Variants in SLC1A1 observed in about 807,000 individuals in gnomAD.
SLC1A1 encodes solute carrier family 1 member 1, also known as excitatory amino acid transporter 3.
In SLC1A1, 43 loss-of-function variants were observed where a neutral mutation model predicts 53.3. That is an observed-to-expected ratio of 0.81 (90% CI 0.63 to 1.04). The LOEUF (loss-of-function observed/expected upper bound fraction) is 1.04. SLC1A1 is among the 50% of genes least tolerant of loss of function. SLC1A1 has a pLI of 0.00. For synonymous variants in SLC1A1, 307 were observed against 243.2 expected (o/e 1.26, Z -2.44); for missense variants, 748 against 664.9 (o/e 1.12, Z -1.37).
chr9:4,585,264 G>A (rs371985607), intron 11 of SLC1A1, 48 bp from the exon 12 acceptor site: 13 of 1,611,634 alleles, frequency 8.1e-6, no homozygotes, highest in South Asian at 2.2e-5. Context: ...AGTGATGAAG[G>A]AAAATGAAAT....
At chr9:4,518,319 C>T (rs1336206759) in intron 1 of SLC1A1, among the ~76,000 whole-genome samples, 4 of 148,332 alleles carry the variant, frequency 2.7e-5, no homozygotes, top group Non-Finnish European at 5.9e-5. Flanking sequence ...GTGTTACTTC[C>T]TTGAGTGGTG....
chr9:4,560,551 C>T (rs983784777), intron 2 of SLC1A1, among the ~76,000 whole-genome samples: 2 of 152,094 alleles, frequency 1.3e-5, no homozygotes, highest in Non-Finnish European at 2.9e-5. Flanking sequence ...TCATCTTTAC[C>T]TTTTCTCCTT....
intron 1 of SLC1A1, among the ~76,000 whole-genome samples, chr9:4,530,684 T>C (rs531364383): frequency 2.0e-5 from 3 of 152,356 alleles, no homozygotes; most frequent in Admixed American, 1.3e-4. Flanking sequence ...GAGTCACCCA[T>C]GACGGAAAAC....
At chr9:4,576,788 G>T in intron 10 of SLC1A1, 25 bp downstream of exon 10, 1 of 1,597,190 alleles carries the variant, frequency 6.3e-7, no homozygotes, top group Non-Finnish European at 8.6e-7. Flanking sequence ...CACATTCATT[G>T]TCATCACTGA....
At chr9:4,531,516 C>T (rs1233082945) in intron 1 of SLC1A1, among the ~76,000 whole-genome samples, 1 of 152,168 alleles carries the variant, frequency 6.6e-6, no homozygotes, top group Non-Finnish European at 1.5e-5. Context: ...GGGAGGGGCG[C>T]CCATCACTGT....
At chr9:4,501,162 G>T (rs987553276) in intron 1 of SLC1A1, among the ~76,000 whole-genome samples, 3 of 151,982 alleles carry the variant, frequency 2.0e-5, no homozygotes, top group Non-Finnish European at 4.4e-5. Context: ...CTTGATAGTA[G>T]AAAGTGTTTT....
chr9:4,540,050 C>G (rs1305169505), intron 1 of SLC1A1, among the ~76,000 whole-genome samples: 1 of 152,082 alleles, frequency 6.6e-6, no homozygotes, highest in Admixed American at 6.5e-5. Context: ...TTTCCAAAAC[C>G]ACCCATGGCC....
intron 1 of SLC1A1, among the ~76,000 whole-genome samples, chr9:4,536,549 G>C (rs1291737817): frequency 6.6e-6 from 1 of 152,182 alleles, no homozygotes; most frequent in African/African-American, 2.4e-5. Flanking sequence ...AACAACAGGT[G>C]CTGGAGAGGA....
At chr9:4,518,742 C>G (rs895963233) in intron 1 of SLC1A1, among the ~76,000 whole-genome samples, 1 of 152,202 alleles carries the variant, frequency 6.6e-6, no homozygotes, top group Non-Finnish European at 1.5e-5. Context: ...GCTGCCTCTA[C>G]CACCTTTCAG....
chr9:4,496,296 G>T (rs559962229), intron 1 of SLC1A1, among the ~76,000 whole-genome samples: 1 of 152,174 alleles, frequency 6.6e-6, no homozygotes, highest in African/African-American at 2.4e-5. Flanking sequence ...CAAAGGACAG[G>T]GATGTGACCT....
At chr9:4,554,421 A>G (rs1586772239) in intron 2 of SLC1A1, 1 of 152,238 alleles carries the variant, frequency 6.6e-6, no homozygotes, top group South Asian at 2.1e-4. Flanking sequence ...TAATGAACCA[A>G]TGATAAAAAT....
chr9:4,495,562 C>G (rs1228450648), intron 1 of SLC1A1, among the ~76,000 whole-genome samples: 1 of 152,000 alleles, frequency 6.6e-6, no homozygotes, highest in Non-Finnish European at 1.5e-5. Context: ...GAGAAGGTGA[C>G]AGTTGAATCA....
chr9:4,505,788 C>T (rs1820788084), intron 1 of SLC1A1, among the ~76,000 whole-genome samples: 1 of 152,180 alleles, frequency 6.6e-6, no homozygotes, highest in Non-Finnish European at 1.5e-5. Flanking sequence ...TCCCGAGTAG[C>T]TGGGATTATA....
intron 3 of SLC1A1, among the ~76,000 whole-genome samples, chr9:4,564,096 C>A (rs78879685): frequency 1.8e-5 from 1 of 56,374 alleles, no homozygotes. Context: ...AACACACATA[C>A]ACACACACAC....
intron 6 of SLC1A1, among the ~76,000 whole-genome samples, chr9:4,571,753 C>A (rs1258453173): frequency 6.6e-6 from 1 of 152,128 alleles, no homozygotes; most frequent in Non-Finnish European, 1.5e-5. Context: ...TGTTACTGTG[C>A]TTCATTATCA....
chr9:4,535,118 A>C (rs1351235855), intron 1 of SLC1A1, among the ~76,000 whole-genome samples: 2 of 152,168 alleles, frequency 1.3e-5, no homozygotes, highest in Non-Finnish European at 2.9e-5. Context: ...ATGGGCAAAA[A>C]TTGGAAGCAT....
chr9:4,511,531 A>C lies in SLC1A1; in HGVS notation c.91+20761A>C, dbSNP rs191499951. 3.3e-5 allele frequency among the ~76,000 whole-genome samples: 5 copies of C among 151,424 alleles called. No individual in the cohort carries two copies. In the Admixed American group the frequency reaches 3.3e-4, roughly 10 times the overall value. On this transcript the variant is annotated intron_variant, in intron 1 of 11. Transcript: ENST00000262352. ...CATACCATAGCAGAGGAGAAGAAAA[A>C]TTAAGCATGTTTTGCCTTAAACTCT... is the stretch of plus-strand genomic sequence containing the variant.
Position 4,583,171 on chromosome 9 carries a change from C to T in SLC1A1, c.1327C>T (p.Leu443=). 1.9e-6 allele frequency: 3 copies of T among 1,614,234 alleles called. No homozygotes were observed. Among genetic ancestry groups the T allele is most frequent in the African/African-American group, 1.3e-5 (1 of 75,064 alleles). The stretch of plus-strand genomic sequence containing the variant: ...CCTGATCATTGCTGTCGACTGGCTC[C>T]TGTGAGTTGGAATAAATGCACTGCC... ...VTLIIAVDWL[L]DRFRTMVNVL... Residue 443 remains leucine (L), a splice_region_variant and synonymous_variant, in exon 11 of 12, where the codon CTG becomes TTG. Coordinates refer to ENST00000262352, the MANE Select transcript of SLC1A1 (RefSeq NM_004170.6). The surrounding 1 kb of genome is among the most constrained non-coding windows in gnomAD (Gnocchi z 4.6).
Position 4,549,190 on chromosome 9 carries a change from C to T in SLC1A1, c.232+4483C>T, listed in dbSNP as rs1748824145. Among the ~76,000 whole-genome samples the T allele has an allele frequency of 6.6e-6, 1 of 152,156 alleles. No homozygotes were observed. The highest frequency in any genetic ancestry group is 1.5e-5 in the Non-Finnish European group (1 of 68,020). On this transcript the variant is annotated intron_variant, in intron 2 of 11. Coordinates refer to ENST00000262352, the MANE Select transcript of SLC1A1 (RefSeq NM_004170.6). This position sits in a 1 kb window ranked among gnomAD's most constrained non-coding sequence, Gnocchi z 4.1. ...CCCCTGAGCATCCTTCCCGGATGCTCATAACTTTGCTCAGGAAGAGGTTGC... is the reference window on the plus strand; with the variant it reads ...CCCCTGAGCATCCTTCCCGGATGCTTATAACTTTGCTCAGGAAGAGGTTGC...
Sources: allele counts gnomAD v4.1 joint callset (sites outside exome capture counted in the v4.1 genomes callset), GRCh38; gene constraint gnomAD v4.1.1; non-coding constraint Gnocchi (gnomAD v3.1); transcripts MANE v1.5; gene names NCBI Gene and HGNC (gene_info 2026-07-23, HGNC 2026-07-21).